The following TBC1D25 variants were observed in gnomAD, a reference collection of about 807,000 sequenced individuals.
TBC1D25 encodes the protein 5SN3 snoRNA.
TBC1D25 carries 13 observed loss-of-function variants against 38.8 expected under a neutral mutation model. That is an observed-to-expected ratio of 0.34 (90% CI 0.22 to 0.53). The LOEUF is 0.53. TBC1D25 is among the 20% of genes least tolerant of loss of function. The pLI is 0.94. For synonymous variants in TBC1D25, 225 were observed against 255.6 expected (o/e 0.88, Z 1.14); for missense variants, 372 against 600.0 (o/e 0.62, Z 3.97).
chrX:48,557,259 G>T (rs1346673815), intron 3 of TBC1D25, among the ~76,000 whole-genome samples: 2 of 110,277 alleles, frequency 1.8e-5, no homozygotes, highest in African/African-American at 6.6e-5. Flanking sequence ...TGTAATCCTA[G>T]CACTTTGGGA....
Position 48,546,070 on chromosome X carries a change from G to A in TBC1D25, c.388+1047G>A, listed in dbSNP as rs782218373. ...ACTAAAAAAAATACAAAAATTAGCCGGGTGTAGTGGCACATGCCTATAATC... is the reference window on the plus strand; with the variant it reads ...ACTAAAAAAAATACAAAAATTAGCCAGGTGTAGTGGCACATGCCTATAATC... On this transcript the variant is annotated intron_variant, in intron 3 of 5. Transcript: ENST00000376771. Among the ~76,000 whole-genome samples, 130 of 110,317 alleles carry A rather than the reference G, an allele frequency of 1.2e-3. 2 individuals carry two copies. The highest frequency in any genetic ancestry group is 4.0e-3 in the African/African-American group (122 of 30,306).
chrX:48,543,212 A>G (rs782631117), intron 2 of TBC1D25, among the ~76,000 whole-genome samples: 1 of 110,381 alleles, frequency 9.1e-6, no homozygotes. Flanking sequence ...TAGCAGTGGT[A>G]TTGCCAGGTA....
chrX:48,541,317 T>C lies in TBC1D25; in HGVS notation c.124-16T>C, dbSNP rs2147166449. On this transcript the variant is annotated splice_polypyrimidine_tract_variant and intron_variant, in intron 1 of 5. Transcript: ENST00000376771. ...ATGGGGCCCCTGGTGGCCTACCCCA[T>C]GTCTTCTCTCCCCAGAAATGTGAGA... 8.3e-7 allele frequency: 1 copy of C among 1,208,677 alleles called. No individual in the cohort carries two copies. Among genetic ancestry groups the C allele is most frequent in the Non-Finnish European group, 1.1e-6 (1 of 892,758 alleles).
intron 3 of TBC1D25, among the ~76,000 whole-genome samples, chrX:48,551,690 C>G (rs1556983323): frequency 9.6e-6 from 1 of 104,542 alleles, no homozygotes; most frequent in Non-Finnish European, 1.9e-5. Context: ...GTGGCGCGAT[C>G]TCAGCTCACT....
chrX:48,546,227 AAAG>A (rs2061883651), intron 3 of TBC1D25, among the ~76,000 whole-genome samples: 1 of 104,197 alleles, frequency 9.6e-6, no homozygotes, highest in Non-Finnish European at 2.0e-5. Flanking sequence ...AAAAAAAAAA[AAAG>A]AGGCTGAGCA....
Position 48,561,920 on chromosome X carries a change from G to A in TBC1D25, c.*945G>A, listed in dbSNP as rs782533956. 1 of 112,728 alleles carries A rather than the reference G, an allele frequency of 8.9e-6. No individual in the cohort carries two copies. Among genetic ancestry groups the A allele is most frequent in the African/African-American group, 3.2e-5 (1 of 31,135 alleles). 9.3% of individuals were successfully genotyped at this position (112,728 alleles called of 1,213,427 possible). A position where few individuals can be genotyped will look rare whatever the true frequency, so the allele number is the denominator to read the frequency against. On this transcript the variant is annotated 3_prime_UTR_variant, in exon 6 of 6. Coordinates refer to ENST00000376771, the MANE Select transcript of TBC1D25 (RefSeq NM_002536.4). ...AGCACCTGTCTTAACCATTTCAGCA[G>A]TAGAAACCACTTATTTACCTTCTCC...
At chrX:48,545,267 C>G (rs1214254701) in intron 3 of TBC1D25, among the ~76,000 whole-genome samples, 1 of 112,213 alleles carries the variant, frequency 8.9e-6, no homozygotes, top group Non-Finnish European at 1.9e-5. Context: ...ATGCCTGGAA[C>G]AGTGCATGAC....
At position 48,562,548 on chromosome X, in the gene TBC1D25, G is replaced by C. The variant is rs1421180924; in HGVS notation, c.*1573G>C. 1.8e-5 allele frequency: 2 copies of C among 111,692 alleles called. No individual in the cohort carries two copies. Among genetic ancestry groups the C allele is most frequent in the Non-Finnish European group, 3.8e-5 (2 of 53,103 alleles). The allele number at this position is 111,692 out of a possible 1,213,427, so 9.2% of individuals were successfully genotyped here. A position where few individuals can be genotyped will look rare whatever the true frequency, so the allele number is the denominator to read the frequency against. On this transcript the variant is annotated 3_prime_UTR_variant, in exon 6 of 6. Transcript: ENST00000376771. ...TCCCCAAAGGGCCATCCAACCTATG[G>C]GAGTGTCTGGCCTTCTGAGGTCCTG...
rs1335895026 is a variant in TBC1D25 at position 48,545,034 on chromosome X, AG to A, written c.388+12del. The A allele has an allele frequency of 8.3e-7, 1 of 1,208,016 alleles. No homozygotes were observed. The highest frequency in any genetic ancestry group is 3.0e-5 in the East Asian group (1 of 33,775). On this transcript the variant is annotated intron_variant, in intron 3 of 5. Coordinates refer to ENST00000376771, the MANE Select transcript of TBC1D25 (RefSeq NM_002536.4). ...GGCCCTCGGAGGACAGTGAGTACTC[AG>A]TGCCCCCAGGAGCACTGCTCTGGAA... is the stretch of plus-strand genomic sequence containing the variant.
chrX:48,560,580 G>C lies in TBC1D25; in HGVS notation c.1672G>C (p.Asp558His). ...ACTGCTCTCCTCCTTTTCCCACCCT[G>C]ATTCCCCATCTTCCTCATCTCCACC... ...DPLLSSFSHP[D>H]SPSSSSPPST... The change falls in exon 6 of 6, where the codon GAT (aspartate) becomes CAT (histidine). Residue 558 changes from aspartate (D) to histidine (H), a missense_variant. Physicochemically the swap from Asp to His is moderately conservative, Grantham distance 81. Around this residue, in one of 2 missense-constraint regions of TBC1D25, gnomAD observed 312 missense variants for 549.3 expected, o/e 0.57. Coordinates refer to ENST00000376771, the MANE Select transcript of TBC1D25 (RefSeq NM_002536.4). The C allele has an allele frequency of 8.3e-7, 1 of 1,207,482 alleles. No homozygotes were observed. Among genetic ancestry groups the C allele is most frequent in the East Asian group, 3.0e-5 (1 of 33,785 alleles).
rs781792852 is a variant in TBC1D25, at chrX:48,559,670, G to A, written c.762G>A (p.Arg254=). The change falls in exon 6 of 6, where the codon CGG becomes CGA. Residue 254 remains arginine (R), a synonymous_variant. Coordinates refer to ENST00000376771, the MANE Select transcript of TBC1D25 (RefSeq NM_002536.4). Reference sequence around the variant, plus strand: ...CAGATGGACTGACAGGCCGAGAGCGGATGGACTACATGAAACGCAAGAGCC... The same window carrying A: ...CAGATGGACTGACAGGCCGAGAGCGAATGGACTACATGAAACGCAAGAGCC... ...VYPDGLTGRE[R]MDYMKRKSRE... 3.3e-6 allele frequency: 4 copies of A among 1,211,956 alleles called. No individual in the cohort carries two copies. Among genetic ancestry groups the A allele is most frequent in the Non-Finnish European group, 1.1e-6 (1 of 895,546 alleles).
chrX:48,541,881 C>A (rs2061841452), intron 2 of TBC1D25, among the ~76,000 whole-genome samples: 1 of 111,711 alleles, frequency 9.0e-6, no homozygotes, highest in Non-Finnish European at 1.9e-5. Context: ...ATGAAATATT[C>A]AACACTGTTG....
At chrX:48,542,566 C>T (rs1224273415) in intron 2 of TBC1D25, among the ~76,000 whole-genome samples, 7 of 105,300 alleles carry the variant, frequency 6.6e-5, no homozygotes, top group Non-Finnish European at 1.2e-4. Context: ...TGGCTCATTG[C>T]AGCCTTTGCC....
At chrX:48,554,915 T>C (rs2061963790) in intron 3 of TBC1D25, among the ~76,000 whole-genome samples, 1 of 112,121 alleles carries the variant, frequency 8.9e-6, no homozygotes, top group Non-Finnish European at 1.9e-5. Flanking sequence ...CTCTGATTAA[T>C]GTTTTAGAAA....
chrX:48,559,434 G>T, intron 5 of TBC1D25, 88 bp downstream of exon 5: 1 of 1,113,411 alleles, frequency 9.0e-7, no homozygotes, highest in South Asian at 2.1e-5. Context: ...CACTGCTGTG[G>T]GCAAGGGTGG....
At chrX:48,556,235 T>C (rs913767346) in intron 3 of TBC1D25, among the ~76,000 whole-genome samples, 75 of 111,181 alleles carry the variant, frequency 6.7e-4, no homozygotes, top group African/African-American at 2.3e-3. Flanking sequence ...ACAGTGCATT[T>C]TGTCCCTGGT....
chrX:48,559,118 A>G (rs1307790196), intron 4 of TBC1D25, 40 bp from the exon 5 acceptor site: 3 of 1,203,752 alleles, frequency 2.5e-6, no homozygotes, highest in African/African-American at 1.7e-5. Context: ...ATCTGCCCCT[A>G]GTCCACACAG....
At chrX:48,541,620 G>T (rs1205067692) in intron 2 of TBC1D25, 178 bp downstream of exon 2, 2 of 491,698 alleles carry the variant, frequency 4.1e-6, no homozygotes, top group Non-Finnish European at 7.1e-6. Flanking sequence ...TTTGCTTTCT[G>T]CAGTTTCAGT....
Position 48,539,727 on chromosome X carries a change from T to G in TBC1D25, c.-71T>G. The G allele has an allele frequency of 1.1e-6, 1 of 926,681 alleles. No individual in the cohort carries two copies. The highest frequency in any genetic ancestry group is 1.3e-6 in the Non-Finnish European group (1 of 748,036). The allele number at this position is 926,681 out of a possible 1,213,427, so 76.4% of individuals were successfully genotyped here. A position where few individuals can be genotyped will look rare whatever the true frequency, so the allele number is the denominator to read the frequency against. The stretch of plus-strand genomic sequence containing the variant: ...CCGGCACGAGGTGGGGCGGCGGGCG[T>G]CAGTACAGTAGAGTGTGCGCCGGGG... On this transcript the variant is annotated 5_prime_UTR_variant, in exon 1 of 6. Coordinates refer to ENST00000376771, the MANE Select transcript of TBC1D25 (RefSeq NM_002536.4).
Sources: allele counts gnomAD v4.1 joint callset (sites outside exome capture counted in the v4.1 genomes callset), GRCh38; gene constraint gnomAD v4.1.1; regional missense constraint gnomAD v4.1.1; transcripts MANE v1.5; gene names NCBI Gene and HGNC (gene_info 2026-07-23, HGNC 2026-07-21).